PAM: variants seen among roughly 807,000 people sequenced by gnomAD.
The protein encoded by PAM is peptidyl-glycine alpha-amidating monooxygenase.
PAM carries 72 observed loss-of-function variants against 122.1 expected under a neutral mutation model. The ratio of observed to expected loss-of-function variants is 0.59; its 90% CI spans 0.49 to 0.72. The LOEUF (loss-of-function observed/expected upper bound fraction) is 0.72, where lower values mean the gene tolerates loss of function less well. Among genes scored for constraint, PAM ranks in the 30% least tolerant of loss-of-function variants. PAM has a pLI of 0.00. For synonymous variants in PAM, 389 were observed against 404.4 expected, an observed-to-expected ratio of 0.96 and a Z score of 0.46; for missense variants, 1,106 against 1,183.7, an observed-to-expected ratio of 0.93 and a Z score of 0.96.
At chr5:103,019,967 C>G in intron 23 of PAM, 124 bp downstream of exon 23, 1 of 742,218 alleles carries the variant, frequency 1.3e-6, no homozygotes, top group Non-Finnish European at 2.5e-6. Flanking sequence ...TTATCAGTGA[C>G]TTCTGCTATG....
intron 7 of PAM, among the ~76,000 whole-genome samples, chr5:102,943,212 A>G (rs1298807841): frequency 6.6e-6 from 1 of 152,176 alleles, no homozygotes; most frequent in African/African-American, 2.4e-5. Flanking sequence ...ATAGAGCACT[A>G]TCTCTAGAGG....
intron 10 of PAM, 81 bp from the exon 11 acceptor site, chr5:102,949,821 T>C (rs1758204555): frequency 2.5e-6 from 2 of 805,586 alleles, no homozygotes; most frequent in East Asian, 2.7e-5. Context: ...AGATTTCTAC[T>C]TTAAAGTAGG....
At chr5:102,848,551 G>T (rs751091263) in intron 1 of PAM, among the ~76,000 whole-genome samples, 37 of 152,300 alleles carry the variant, frequency 2.4e-4, no homozygotes, top group South Asian at 6.2e-4. Context: ...CAGCTTTTTA[G>T]TGTCTCACTG....
chr5:102,900,027 G>C (rs1277146569), intron 3 of PAM, among the ~76,000 whole-genome samples: 5 of 151,574 alleles, frequency 3.3e-5, no homozygotes, highest in Non-Finnish European at 7.4e-5. Context: ...TTGGGTGGTA[G>C]AAGATTTACA....
chr5:103,011,878 A>G lies in PAM; in HGVS notation c.2331+2012A>G, dbSNP rs555245954. On this transcript the variant is annotated intron_variant, in intron 21 of 25. Coordinates refer to ENST00000438793, the MANE Select transcript of PAM (RefSeq NM_001177306.2). Reference sequence around the variant, plus strand: ...GTTTTACTAATTTACATTCCCACCAACAGTATACAAGGGTTCCCTTTTCTC... The same window carrying G: ...GTTTTACTAATTTACATTCCCACCAGCAGTATACAAGGGTTCCCTTTTCTC... 5.9e-5 allele frequency among the ~76,000 whole-genome samples: 9 copies of G among 152,300 alleles called. No individual in the cohort carries two copies. In the East Asian group the frequency reaches 1.7e-3, roughly 29 times the overall value.
chr5:102,914,063 G>A (rs1802377581), intron 5 of PAM, 42 bp downstream of exon 5: 2 of 1,091,800 alleles, frequency 1.8e-6, no homozygotes, highest in African/African-American at 1.5e-5. Context: ...TGTAGAAAAT[G>A]TGTTTTACAA....
At chr5:102,880,154 G>A (rs1013119543) in intron 3 of PAM, among the ~76,000 whole-genome samples, 3 of 152,086 alleles carry the variant, frequency 2.0e-5, no homozygotes, top group Non-Finnish European at 4.4e-5. Context: ...GGTGGTGTAT[G>A]CCTGCTTTCC....
intron 14 of PAM, among the ~76,000 whole-genome samples, chr5:102,973,071 T>C (rs936761985): frequency 2.0e-5 from 3 of 152,242 alleles, no homozygotes; most frequent in Non-Finnish European, 4.4e-5. Context: ...ATTTTATAAA[T>C]GTTTTCTAAT....
intron 3 of PAM, among the ~76,000 whole-genome samples, chr5:102,897,686 A>T (rs1796592478): frequency 6.6e-6 from 1 of 151,634 alleles, no homozygotes; most frequent in African/African-American, 2.4e-5. Flanking sequence ...GCATCATGTT[A>T]TCTATTTGTA....
chr5:103,016,464 C>T (rs1782021877), intron 21 of PAM, among the ~76,000 whole-genome samples: 1 of 152,158 alleles, frequency 6.6e-6, no homozygotes, highest in Admixed American at 6.5e-5. Flanking sequence ...TATATCCTGC[C>T]AACTGCCAGA....
chr5:103,011,027 T>C (rs1780437982), intron 21 of PAM, among the ~76,000 whole-genome samples: 1 of 152,202 alleles, frequency 6.6e-6, no homozygotes, highest in East Asian at 1.9e-4. Context: ...GTCTTATTCA[T>C]TCTGATTTTT....
chr5:102,912,599 G>A (rs998749479), intron 4 of PAM, among the ~76,000 whole-genome samples: 1 of 151,244 alleles, frequency 6.6e-6, no homozygotes, highest in Non-Finnish European at 1.5e-5. Context: ...AACAAACTTC[G>A]GCTTCATGAT....
intron 1 of PAM, among the ~76,000 whole-genome samples, chr5:102,778,875 A>G (rs890004671): frequency 6.6e-6 from 1 of 152,058 alleles, no homozygotes; most frequent in Non-Finnish European, 1.5e-5. Context: ...GTGTTTTTGG[A>G]GGGAATACTT....
intron 14 of PAM, among the ~76,000 whole-genome samples, chr5:102,965,185 A>ACACACG (rs1763707422): frequency 6.6e-6 from 1 of 151,514 alleles, no homozygotes; most frequent in African/African-American, 2.4e-5. Context: ...ACACACACAC[A>ACACACG]CACACACACA....
At chr5:102,981,623 G>A (rs992706163) in intron 15 of PAM, among the ~76,000 whole-genome samples, 1 of 152,228 alleles carries the variant, frequency 6.6e-6, no homozygotes, top group African/African-American at 2.4e-5. Context: ...CCATGAATAA[G>A]GGATGATCCT....
At chr5:102,786,536 T>G (rs1400417586) in intron 1 of PAM, among the ~76,000 whole-genome samples, 6 of 152,126 alleles carry the variant, frequency 3.9e-5, no homozygotes, top group Non-Finnish European at 7.4e-5. Context: ...CTGCTGAACA[T>G]CAAAGGGAAT....
Position 102,773,575 on chromosome 5 carries a change from T to A in PAM, c.-374+18227T>A, listed in dbSNP as rs190236399. Among the ~76,000 whole-genome samples the A allele has an allele frequency of 1.6e-3, 241 of 152,204 alleles. 1 individual carries two copies. Among genetic ancestry groups the A allele is most frequent in the African/African-American group, 5.5e-3 (227 of 41,558 alleles). On this transcript the variant is annotated intron_variant, in intron 1 of 25. Transcript: ENST00000438793. ...ACAATTAAAAAATGTAAAAAAACAT[T>A]CATTCTCAGCTTGCAGGCAGTGCAG...
At chr5:102,917,501 A>T (rs1350998022) in intron 5 of PAM, among the ~76,000 whole-genome samples, 2 of 152,204 alleles carry the variant, frequency 1.3e-5, no homozygotes, top group Non-Finnish European at 2.9e-5. Flanking sequence ...CTCTAGGGAA[A>T]CTTATAAGGA....
chr5:102,886,162 T>C (rs927618374), intron 3 of PAM, among the ~76,000 whole-genome samples: 3 of 152,060 alleles, frequency 2.0e-5, no homozygotes, highest in African/African-American at 2.4e-5. Flanking sequence ...TTATAGAGAA[T>C]AGAGATTAGC....
Sources: gnomAD v4.1 joint callset for allele counts (sites outside exome capture counted in the v4.1 genomes callset) on GRCh38, gnomAD v4.1.1 for gene constraint, MANE v1.5 for transcripts, NCBI Gene and HGNC (gene_info 2026-07-23, HGNC 2026-07-21) for gene names.